The following KCNJ6 variants were observed in gnomAD, a reference collection of about 807,000 sequenced individuals.
KCNJ6 encodes the protein potassium inwardly rectifying channel subfamily J member 6, also known as G protein-activated inward rectifier potassium channel 2.
Under a neutral mutation model 34.2 loss-of-function variants are expected in KCNJ6, and 9 were observed. The observed-to-expected ratio is 0.26, with a 90% CI of 0.16 to 0.46. The LOEUF (loss-of-function observed/expected upper bound fraction) is 0.46, where lower values mean the gene tolerates loss of function less well. Among genes scored for constraint, KCNJ6 ranks in the 20% least tolerant of loss-of-function variants. KCNJ6 has a pLI of 1.00. For missense variants in KCNJ6, 236 were observed against 531.3 expected, an observed-to-expected ratio of 0.44 and a Z score of 5.46; for synonymous variants, 196 against 207.1, an observed-to-expected ratio of 0.95 and a Z score of 0.46.
intron 1 of KCNJ6, among the ~76,000 whole-genome samples, chr21:37,875,546 G>C (rs893090203): frequency 6.6e-6 from 1 of 152,216 alleles, no homozygotes; most frequent in Non-Finnish European, 1.5e-5. Flanking sequence ...GGGTTTAATT[G>C]CTGGTGGTTT....
intron 1 of KCNJ6, among the ~76,000 whole-genome samples, chr21:37,852,511 C>T (rs1245499016): frequency 6.6e-6 from 1 of 152,204 alleles, no homozygotes; most frequent in Non-Finnish European, 1.5e-5. Flanking sequence ...TACCATCCAG[C>T]AGTAAAAAGG....
At chr21:37,722,510 A>C (rs2054832048) in intron 2 of KCNJ6, among the ~76,000 whole-genome samples, 3 of 152,220 alleles carry the variant, frequency 2.0e-5, no homozygotes, top group African/African-American at 7.2e-5. Context: ...CAAAGCCAGA[A>C]GCATCACATT....
chr21:37,773,034 G>A (rs959582572), intron 2 of KCNJ6, among the ~76,000 whole-genome samples: 5 of 152,152 alleles, frequency 3.3e-5, no homozygotes, highest in Non-Finnish European at 5.9e-5. Flanking sequence ...TCTCTAACAC[G>A]ATAGCCATTC....
At chr21:37,733,250 G>A (rs532996823) in intron 2 of KCNJ6, among the ~76,000 whole-genome samples, 74 of 152,146 alleles carry the variant, frequency 4.9e-4, no homozygotes, top group Non-Finnish European at 8.1e-4. Flanking sequence ...AATTCCTGGC[G>A]ATACTTGAGT....
chr21:37,656,947 G>T (rs534089469), intron 3 of KCNJ6, among the ~76,000 whole-genome samples: 1 of 152,322 alleles, frequency 6.6e-6, no homozygotes, highest in East Asian at 1.9e-4. Context: ...CCCACCCAAA[G>T]AAAAGTTCCA....
At chr21:37,789,824 TCTC>T (rs2055208814) in intron 2 of KCNJ6, among the ~76,000 whole-genome samples, 1 of 152,132 alleles carries the variant, frequency 6.6e-6, no homozygotes, top group Admixed American at 6.6e-5. Flanking sequence ...TAGATATAAT[TCTC>T]CTCTAGGTGA....
intron 2 of KCNJ6, among the ~76,000 whole-genome samples, chr21:37,809,196 T>G (rs1456169150): frequency 2.0e-5 from 3 of 152,106 alleles, no homozygotes; most frequent in African/African-American, 7.2e-5. Context: ...TATGCAGCCA[T>G]AAAAAATGAT....
At chr21:37,740,186 C>T (rs2054933569) in intron 2 of KCNJ6, among the ~76,000 whole-genome samples, 1 of 152,216 alleles carries the variant, frequency 6.6e-6, no homozygotes, top group Admixed American at 6.5e-5. Flanking sequence ...TGGACTTCTT[C>T]CTTGGCCAGG....
At chr21:37,801,078 C>T (rs1204287189) in intron 2 of KCNJ6, among the ~76,000 whole-genome samples, 1 of 152,166 alleles carries the variant, frequency 6.6e-6, no homozygotes. Flanking sequence ...CGAACATACT[C>T]AACCTTCTGA....
chr21:37,676,847 G>A (rs2054567164), intron 3 of KCNJ6, among the ~76,000 whole-genome samples: 1 of 152,256 alleles, frequency 6.6e-6, no homozygotes, highest in Non-Finnish European at 1.5e-5. Context: ...AATGCCAATA[G>A]TGCTGAGGTT....
At chr21:37,911,565 A>G (rs55993627) in intron 1 of KCNJ6, among the ~76,000 whole-genome samples, 6,189 of 152,320 alleles carry the variant, frequency 0.041, 418 homozygotes, top group African/African-American at 0.14. Flanking sequence ...ATGAACTTAG[A>G]AAAACCAACC....
chr21:37,725,401 T>G (rs1402831346), intron 2 of KCNJ6, among the ~76,000 whole-genome samples: 2 of 152,038 alleles, frequency 1.3e-5, no homozygotes, highest in African/African-American at 4.8e-5. Flanking sequence ...TTAAAAAAAG[T>G]AGCTAGAAAA....
chr21:37,682,070 G>A (rs2054593042), intron 3 of KCNJ6, among the ~76,000 whole-genome samples: 1 of 152,196 alleles, frequency 6.6e-6, no homozygotes, highest in Non-Finnish European at 1.5e-5. Flanking sequence ...TGTTCAGGTG[G>A]TCACCAGGTA....
intron 2 of KCNJ6, among the ~76,000 whole-genome samples, chr21:37,792,965 A>G (rs1309786817): frequency 6.6e-6 from 1 of 152,158 alleles, no homozygotes; most frequent in Non-Finnish European, 1.5e-5. Flanking sequence ...TCAGTAAGCC[A>G]TGAGGCCCCT....
intron 2 of KCNJ6, among the ~76,000 whole-genome samples, chr21:37,771,610 A>G (rs1467180804): frequency 6.6e-6 from 1 of 152,180 alleles, no homozygotes; most frequent in African/African-American, 2.4e-5. Context: ...GGTCCACCAG[A>G]GCCCCTGTAG....
intron 2 of KCNJ6, among the ~76,000 whole-genome samples, chr21:37,758,729 C>G (rs962375034): frequency 2.6e-5 from 4 of 152,182 alleles, no homozygotes; most frequent in African/African-American, 9.7e-5. Flanking sequence ...CCTTGACCCT[C>G]TTGGGATTAA....
At position 37,790,583 on chromosome 21, in the gene KCNJ6, G is replaced by C. The variant is rs1601472603; in HGVS notation, c.25+50075C>G. Among the ~76,000 whole-genome samples the C allele has an allele frequency of 2.0e-5, 3 of 152,172 alleles. No homozygotes were observed. The South Asian group carries it at 6.2e-4, about 32-fold the overall frequency. ...TTTCACAGGCCTCAGTGGGGGCAGA[G>C]TCAGGATTAAAAGGCCAAGTGCCTT... On this transcript the variant is annotated intron_variant, in intron 2 of 3. Coordinates refer to ENST00000609713, the MANE Select transcript of KCNJ6 (RefSeq NM_002240.5).
intron 1 of KCNJ6, among the ~76,000 whole-genome samples, chr21:37,893,798 T>A (rs1348441289): frequency 6.6e-6 from 1 of 152,204 alleles, no homozygotes; most frequent in East Asian, 1.9e-4. Context: ...TTGAGAAAGG[T>A]AGAATTGACT....
At chr21:37,649,157 A>AACAAAC (rs755535850) in intron 3 of KCNJ6, among the ~76,000 whole-genome samples, 1 of 133,976 alleles carries the variant, frequency 7.5e-6, no homozygotes, top group South Asian at 2.4e-4. Context: ...AAAAAAAAGA[A>AACAAAC]AGAAAAAGAA....
Sources: gnomAD v4.1 joint callset for allele counts (sites outside exome capture counted in the v4.1 genomes callset) on GRCh38, gnomAD v4.1.1 for gene constraint, MANE v1.5 for transcripts, NCBI Gene and HGNC (gene_info 2026-07-23, HGNC 2026-07-21) for gene names.